FSD2: variants seen among roughly 807,000 people sequenced by gnomAD.
The protein encoded by FSD2 is fibronectin type III and SPRY domain containing 2.
Under a neutral mutation model 80.4 loss-of-function variants are expected in FSD2, and 71 were observed. That is an observed-to-expected ratio of 0.88 (90% confidence interval 0.73 to 1.08). The LOEUF is 1.08. Among genes scored for constraint, FSD2 ranks in the 50% least tolerant of loss-of-function variants. The pLI, the probability that FSD2 is intolerant of heterozygous loss-of-function variation, is 0.00. For synonymous variants in FSD2, 361 were observed against 329.5 expected, an observed-to-expected ratio of 1.10 and a Z score of -1.03; for missense variants, 923 against 913.8, an observed-to-expected ratio of 1.01 and a Z score of -0.13.
chr15:82,780,145 C>T (rs1406261575), intron 5 of FSD2, 100 bp downstream of exon 5: 8 of 809,830 alleles, frequency 9.9e-6, no homozygotes, highest in South Asian at 1.7e-5. Context: ...GACACAAAAG[C>T]TGAAACTGGA....
intron 11 of FSD2, among the ~76,000 whole-genome samples, chr15:82,763,166 A>T (rs1218847673): frequency 6.6e-6 from 1 of 152,178 alleles, no homozygotes; most frequent in African/African-American, 2.4e-5. Flanking sequence ...CAAATTCAGA[A>T]TGTCCCAAAT....
chr15:82,758,522 C>T lies in FSD2; in HGVS notation c.*826G>A, dbSNP rs2049218373. 1.3e-5 allele frequency: 2 copies of T among 153,196 alleles called. 1 individual carries two copies. Among genetic ancestry groups the T allele is most frequent in the South Asian group, 4.1e-4 (2 of 4,832 alleles). The allele number at this position is 153,196 out of a possible 1,614,324, so 9.5% of individuals were successfully genotyped here. On this transcript the variant is annotated 3_prime_UTR_variant, in exon 13 of 13. Coordinates refer to ENST00000334574, the MANE Select transcript of FSD2 (RefSeq NM_001007122.4). ...GATGCCCTTCTGTTCTTTCACGCTG[C>T]CTCCATTCTAGGTTTTTTCCCATTT...
chr15:82,778,610 A>G lies in FSD2; in HGVS notation c.1111+156T>C, dbSNP rs1024467192. ...TACAAGATGGGTAAGTTCTAGAGGT[A>G]TGCTGTACAACACAGTACCTGTATT... On this transcript the variant is annotated intron_variant, in intron 6 of 12. Coordinates refer to ENST00000334574, the MANE Select transcript of FSD2 (RefSeq NM_001007122.4). Among the ~76,000 whole-genome samples, 5 of 152,356 alleles carry G rather than the reference A, an allele frequency of 3.3e-5. 1 individual carries two copies. In the South Asian group the frequency reaches 6.2e-4, roughly 19 times the overall value.
Position 82,772,197 on chromosome 15 carries a change from G to A in FSD2, c.1143C>T (p.Val381=). Residue 381 remains valine, a synonymous_variant, in exon 7 of 13, where the codon GTC becomes GTT. Coordinates refer to ENST00000334574, the MANE Select transcript of FSD2 (RefSeq NM_001007122.4). Reference sequence around the variant, plus strand: ...CTGAGGAACCTGTGGCTGAGTTAGGGACCTGTGGATTTATGACTGGAGCAG... The same window carrying A: ...CTGAGGAACCTGTGGCTGAGTTAGGAACCTGTGGATTTATGACTGGAGCAG... ...APSAPVINPQ[V]PNSATGSSVR... The A allele has an allele frequency of 6.2e-7, 1 of 1,612,556 alleles. No homozygotes were observed. Among genetic ancestry groups the A allele is most frequent in the Non-Finnish European group, 8.5e-7 (1 of 1,179,408 alleles).
chr15:82,768,923 C>G lies in FSD2; in HGVS notation c.1510G>C (p.Glu504Gln). ...TCTGGACTTTCAGCCTGGGTCAGCTCCACAGTGTACGAGTCCACAGGATTC... is the reference window on the plus strand; with the variant it reads ...TCTGGACTTTCAGCCTGGGTCAGCTGCACAGTGTACGAGTCCACAGGATTC... ...NLNPVDSYTVELTQAESPEAS... is the reference protein window; with the variant it reads ...NLNPVDSYTVQLTQAESPEAS... Residue 504 changes from glutamate (E) to glutamine (Q), a missense_variant, in exon 9 of 13, where the codon GAG becomes CAG. Glu to Gln is a conservative substitution (Grantham distance 29). Transcript: ENST00000334574. 6.2e-7 allele frequency: 1 copy of G among 1,600,822 alleles called. No homozygotes were observed. The highest frequency in any genetic ancestry group is 8.5e-7 in the Non-Finnish European group (1 of 1,173,996).
At chr15:82,771,164 A>G (rs2049560700) in intron 7 of FSD2, among the ~76,000 whole-genome samples, 1 of 152,208 alleles carries the variant, frequency 6.6e-6, no homozygotes, top group South Asian at 2.1e-4. Context: ...CTCCACCTGC[A>G]TGGTCTGGTA....
intron 9 of FSD2, among the ~76,000 whole-genome samples, chr15:82,768,211 C>T (rs2049468651): frequency 6.6e-6 from 1 of 152,184 alleles, no homozygotes; most frequent in African/African-American, 2.4e-5. Context: ...ATGGCTTTCA[C>T]CCTCACCTCT....
In FSD2 at chr15:82,786,477, G is replaced by A. The variant is rs1440352265; in HGVS notation, c.735+34C>T. ...TGACATAGCCATTGATGGAAGAAAT[G>A]TGAGTCTGATGAGGTCTTCAAGTGT... On this transcript the variant is annotated intron_variant, in intron 3 of 12. Coordinates refer to ENST00000334574, the MANE Select transcript of FSD2 (RefSeq NM_001007122.4). The A allele has an allele frequency of 2.0e-6, 3 of 1,475,124 alleles. No homozygotes were observed. The African/African-American group carries it at 4.2e-5, about 20-fold the overall frequency. 91.4% of individuals were successfully genotyped at this position (1,475,124 alleles called of 1,614,324 possible).
chr15:82,789,426 C>CT (rs1567316564), intron 1 of FSD2, among the ~76,000 whole-genome samples: 9 of 151,806 alleles, frequency 5.9e-5, no homozygotes, highest in African/African-American at 2.2e-4. Context: ...GAACACTTAT[C>CT]GTATGCCTTT....
chr15:82,774,623 C>T (rs1362392612), intron 6 of FSD2, among the ~76,000 whole-genome samples: 1 of 152,090 alleles, frequency 6.6e-6, no homozygotes, highest in Non-Finnish European at 1.5e-5. Flanking sequence ...AAACAGATAC[C>T]CAGGAGGAAC....
chr15:82,780,297 T>A (rs1401866563), intron 4 of FSD2, 30 bp from the exon 5 acceptor site: 1 of 1,433,576 alleles, frequency 7.0e-7, no homozygotes, highest in Non-Finnish European at 9.3e-7. Context: ...AATATTAAGT[T>A]GATTTTGGAA....
chr15:82,785,744 C>G (rs911970208), intron 3 of FSD2, among the ~76,000 whole-genome samples: 5 of 152,228 alleles, frequency 3.3e-5, no homozygotes, highest in Non-Finnish European at 7.4e-5. Context: ...CAGTCTACAC[C>G]TGACTTTATA....
In FSD2 at chr15:82,798,527, C is replaced by G. The variant is rs960341822; in HGVS notation, c.-79+7439G>C. ...TTTTAAAAAAACTAATATTATTAAA[C>G]TATTTTAACATGACATATATATATA... On this transcript the variant is annotated intron_variant, in intron 1 of 12. Coordinates refer to ENST00000334574, the MANE Select transcript of FSD2 (RefSeq NM_001007122.4). Among the ~76,000 whole-genome samples the G allele has an allele frequency of 2.0e-5, 3 of 152,162 alleles. No individual in the cohort carries two copies. In the East Asian group the frequency reaches 5.8e-4, roughly 29 times the overall value.
chr15:82,757,936 G>GT lies in FSD2; in HGVS notation c.*1411dup, dbSNP rs1272264407. On this transcript the variant is annotated 3_prime_UTR_variant, in exon 13 of 13. Coordinates refer to ENST00000334574, the MANE Select transcript of FSD2 (RefSeq NM_001007122.4). ...TTTGTTTGTTTGTTTTTGAGACAGA[G>GT]TTGCGCTCTTGTTGCCAAGGCTGGA... The GT allele has an allele frequency of 6.6e-6, 1 of 152,346 alleles. No individual in the cohort carries two copies. Among genetic ancestry groups the GT allele is most frequent in the East Asian group, 1.9e-4 (1 of 5,184 alleles). 9.4% of individuals were successfully genotyped at this position (152,346 alleles called of 1,614,324 possible).
At chr15:82,778,158 A>ATATATATATATATATATATATATATATAT (rs1482215584) in intron 6 of FSD2, among the ~76,000 whole-genome samples, 3 of 129,048 alleles carry the variant, frequency 2.3e-5, no homozygotes, top group African/African-American at 9.9e-5. Flanking sequence ...ATATATATAT[A>ATATATATATATATATATATATATATATAT]ATAACTATTA....
intron 9 of FSD2, 23 bp from the exon 10 acceptor site, chr15:82,766,054 A>G: frequency 6.4e-7 from 1 of 1,557,728 alleles, no homozygotes; most frequent in South Asian, 1.2e-5. Flanking sequence ...GCAGAGCTGC[A>G]GTCAGAATGG....
intron 1 of FSD2, among the ~76,000 whole-genome samples, chr15:82,795,831 C>CAA (rs71156051): frequency 1.3e-4 from 17 of 127,168 alleles, no homozygotes; most frequent in Middle Eastern, 4.4e-3. Flanking sequence ...GACTCCATCT[C>CAA]AAAAAAAAAA....
chr15:82,783,263 T>C (rs2049915536), intron 3 of FSD2, among the ~76,000 whole-genome samples: 2 of 152,120 alleles, frequency 1.3e-5, no homozygotes, highest in African/African-American at 2.4e-5. Context: ...CATGCCCGGC[T>C]AATTTTTGTA....
intron 9 of FSD2, among the ~76,000 whole-genome samples, chr15:82,766,599 G>T (rs1442980905): frequency 6.6e-6 from 1 of 151,948 alleles, no homozygotes; most frequent in South Asian, 2.1e-4. Context: ...AAAATTAACC[G>T]AGTGTGGTGG....
Sources: allele counts gnomAD v4.1 joint callset (sites outside exome capture counted in the v4.1 genomes callset), GRCh38; gene constraint gnomAD v4.1.1; transcripts MANE v1.5; gene names NCBI Gene and HGNC (gene_info 2026-07-23, HGNC 2026-07-21).